INSRR: variants seen among roughly 807,000 people sequenced by gnomAD.
INSRR encodes insulin receptor-related protein.
Under a neutral mutation model 130.0 loss-of-function variants are expected in INSRR, and 114 were observed. The observed-to-expected ratio is 0.88, with a 90% CI of 0.75 to 1.02. INSRR has a LOEUF of 1.02. Ranked by LOEUF, INSRR falls within the 50% of genes least tolerant of loss-of-function variation. The pLI is 0.00. For synonymous variants in INSRR, 674 were observed against 705.2 expected, an observed-to-expected ratio of 0.96 and a Z score of 0.70; for missense variants, 1,657 against 1,735.2, an observed-to-expected ratio of 0.95 and a Z score of 0.80.
rs1654723983 is a variant in INSRR at position 156,840,331 on chromosome 1, G to C, written c.*542C>G. On this transcript the variant is annotated 3_prime_UTR_variant, in exon 22 of 22. Coordinates refer to ENST00000368195, the MANE Select transcript of INSRR (RefSeq NM_014215.3). Reference sequence around the variant, plus strand: ...GAGGAGGTGAGGGCGGGCAGGCTGGGAACCACTCCCCAGGCCCCTGGGTTC... The same window carrying C: ...GAGGAGGTGAGGGCGGGCAGGCTGGCAACCACTCCCCAGGCCCCTGGGTTC... 6.2e-6 allele frequency: 1 copy of C among 161,298 alleles called. No individual in the cohort carries two copies. The highest frequency in any genetic ancestry group is 1.8e-4 in the South Asian group (1 of 5,692). 10.0% of individuals were successfully genotyped at this position (161,298 alleles called of 1,614,324 possible).
intron 11 of INSRR, 25 bp from the exon 12 acceptor site, chr1:156,845,321 G>A (rs1558085985): frequency 6.2e-7 from 1 of 1,610,560 alleles, no homozygotes; most frequent in Non-Finnish European, 8.5e-7. Flanking sequence ...TCAGAGCCAA[G>A]GCCCAGCCCC....
At chr1:156,857,998 T>G (rs1293151582) in intron 1 of INSRR, among the ~76,000 whole-genome samples, 1 of 151,732 alleles carries the variant, frequency 6.6e-6, no homozygotes, top group Non-Finnish European at 1.5e-5. Flanking sequence ...GGAAGAGCAG[T>G]CTTCCCCCAA....
chr1:156,845,850 C>T (rs1654982587), intron 9 of INSRR, 36 bp from the exon 10 acceptor site: 2 of 1,584,592 alleles, frequency 1.3e-6, no homozygotes, highest in Non-Finnish European at 8.6e-7. Context: ...GTAAGACAGG[C>T]GGTCTACCCG....
intron 1 of INSRR, among the ~76,000 whole-genome samples, chr1:156,857,736 G>A (rs185512201): frequency 6.6e-6 from 1 of 152,318 alleles, no homozygotes; most frequent in African/African-American, 2.4e-5. Flanking sequence ...GGCATCATAG[G>A]ACCTCTCGGG....
chr1:156,856,571 G>T (rs1408193145), intron 1 of INSRR, among the ~76,000 whole-genome samples: 1 of 152,200 alleles, frequency 6.6e-6, no homozygotes, highest in Non-Finnish European at 1.5e-5. Flanking sequence ...CTGGCCTGGA[G>T]TTAATCACTT....
chr1:156,854,424 G>A lies in INSRR; in HGVS notation c.86-121C>T. ...GACAATGAGTGAGGAGCCGGGCTCT[G>A]CTCTGGGTGTGGGGTGGCCTCCTTC... On this transcript the variant is annotated intron_variant, in intron 1 of 21. Transcript: ENST00000368195. The surrounding 1 kb of genome is among the most constrained non-coding windows in gnomAD (Gnocchi z 4.2). The A allele has an allele frequency of 9.2e-7, 1 of 1,090,734 alleles. No individual in the cohort carries two copies. The highest frequency in any genetic ancestry group is 1.3e-6 in the Non-Finnish European group (1 of 776,050). The allele number at this position is 1,090,734 out of a possible 1,614,324, so 67.6% of individuals were successfully genotyped here. A position where few individuals can be genotyped will look rare whatever the true frequency, so the allele number is the denominator to read the frequency against.
chr1:156,843,773 C>T (rs1654887489), intron 15 of INSRR, among the ~76,000 whole-genome samples: 1 of 152,196 alleles, frequency 6.6e-6, no homozygotes, highest in Admixed American at 6.5e-5. Flanking sequence ...TGCAGTCAGC[C>T]CTGGAAGGAT....
Position 156,853,826 on chromosome 1 carries a change from C to G in INSRR, c.563G>C (p.Gly188Ala). The change falls in exon 2 of 22, where the codon GGT (glycine) becomes GCT (alanine). Residue 188 changes from glycine (G) to alanine (A), a missense_variant. Coordinates refer to ENST00000368195, the MANE Select transcript of INSRR (RefSeq NM_014215.3). ...DVCPGVLGAA[G>A]EPCAKTTFSG... ...GAAGGTGGTCTTGGCACAGGGCTCA[C>G]CAGCAGCACCCAGCACACCAGGGCA... 2 of 1,613,720 alleles carry G rather than the reference C, an allele frequency of 1.2e-6. No individual in the cohort carries two copies. Among genetic ancestry groups the G allele is most frequent in the African/African-American group, 1.3e-5 (1 of 75,050 alleles).
chr1:156,845,620 T>A lies in INSRR; in HGVS notation c.2173A>T (p.Ile725Leu). 1 of 1,403,944 alleles carries A rather than the reference T, an allele frequency of 7.1e-7. No individual in the cohort carries two copies. Among genetic ancestry groups the A allele is most frequent in the Non-Finnish European group, 9.5e-7 (1 of 1,050,406 alleles). 87.0% of individuals were successfully genotyped at this position (1,403,944 alleles called of 1,614,324 possible). ...NFLHNAITIP[I>L]SPWKVTSINK... ...CCAGGCCGCGCGCGCTCTTCGCACA[T>A]GGGGATGGTGATCGCGTTGTGTAGA... The change falls in exon 10 of 22, where the codon ATA (isoleucine) becomes TTA (leucine). Residue 725 changes from isoleucine to leucine, a missense_variant and splice_region_variant. By Grantham distance (5) the Ile-to-Leu change is conservative. Coordinates refer to ENST00000368195, the MANE Select transcript of INSRR (RefSeq NM_014215.3).
intron 3 of INSRR, 46 bp from the exon 4 acceptor site, chr1:156,851,834 C>G: frequency 7.0e-6 from 11 of 1,577,426 alleles, no homozygotes; most frequent in Non-Finnish European, 9.5e-6. Flanking sequence ...CAGTTTGGGC[C>G]TCCTCAGGCC....
At position 156,841,096 on chromosome 1, in the gene INSRR, A is replaced by G. The variant is rs544015279; in HGVS notation, c.3671T>C (p.Leu1224Pro). The G allele has an allele frequency of 1.9e-5, 30 of 1,560,224 alleles. No homozygotes were observed. In the South Asian group the frequency reaches 3.3e-4, roughly 17 times the overall value. The change falls in exon 22 of 22, where the codon CTG (leucine) becomes CCG (proline). Residue 1224 changes from leucine to proline, a missense_variant. Physicochemically the swap from Leu to Pro is moderately conservative, Grantham distance 98. Coordinates refer to ENST00000368195, the MANE Select transcript of INSRR (RefSeq NM_014215.3). ...LEGCPLQLQE[L>P]MSRCWQPNPR... is the part of the protein sequence containing the mutation. ...GTTCGGCTGCCAGCAGCGGCTCATCAGCTCCTGCCTGGTGGGTGTGGGGAG... is the reference window on the plus strand; with the variant it reads ...GTTCGGCTGCCAGCAGCGGCTCATCGGCTCCTGCCTGGTGGGTGTGGGGAG...
intron 17 of INSRR, among the ~76,000 whole-genome samples, chr1:156,842,776 T>G (rs1654846522): frequency 6.6e-6 from 1 of 152,174 alleles, no homozygotes; most frequent in African/African-American, 2.4e-5. Flanking sequence ...CACCCAATAT[T>G]GAGCCCCAAT....
chr1:156,846,757 G>A lies in INSRR; in HGVS notation c.1572C>T (p.Ser524=). The A allele has an allele frequency of 6.2e-7, 1 of 1,611,772 alleles. No individual in the cohort carries two copies. The highest frequency in any genetic ancestry group is 8.5e-7 in the Non-Finnish European group (1 of 1,178,078). ...LLSFIVYYKE[S]PFQNATEHVG... ...CGTGCTCTGTGGCGTTCTGGAATGG[G>A]CTGAACACCCATCCCCAGAGCTGAG... Residue 524 remains serine (S), a splice_region_variant and synonymous_variant, in exon 8 of 22, where the codon TCC becomes TCT. Coordinates refer to ENST00000368195, the MANE Select transcript of INSRR (RefSeq NM_014215.3).
chr1:156,844,587 G>A lies in INSRR; in HGVS notation c.2612C>T (p.Ala871Val), dbSNP rs773054027. ...GGCCAGGTGGACTCCCCCAAACTTC[G>A]CATATCGAAGACGGGACACACACAG... ...TVLCVSRLRY[A>V]KFGGVHLALL... Residue 871 changes from alanine to valine, a missense_variant, in exon 14 of 22, where the codon GCG becomes GTG. Transcript: ENST00000368195. 2.5e-6 allele frequency: 4 copies of A among 1,614,026 alleles called. No individual in the cohort carries two copies. The highest frequency in any genetic ancestry group is 1.7e-5 in the Admixed American group (1 of 60,002).
In INSRR at chr1:156,848,902, C is replaced by G; in HGVS notation, c.1571+19G>C. 2 of 1,552,600 alleles carry G rather than the reference C, an allele frequency of 1.3e-6. No individual in the cohort carries two copies. Among genetic ancestry groups the G allele is most frequent in the South Asian group, 2.4e-5 (2 of 84,158 alleles). On this transcript the variant is annotated intron_variant, in intron 7 of 21. Coordinates refer to ENST00000368195, the MANE Select transcript of INSRR (RefSeq NM_014215.3). ...TCGTCCGGTCCCGCCCCCGCTCCGG[C>G]CCCGCCCCCGGCACTCACGACTCCT...
chr1:156,857,991 A>G (rs972662284), intron 1 of INSRR, among the ~76,000 whole-genome samples: 6 of 152,134 alleles, frequency 3.9e-5, no homozygotes, highest in Non-Finnish European at 7.4e-5. Flanking sequence ...GTGTTGAGGA[A>G]GAGCAGTCTT....
intron 6 of INSRR, 58 bp downstream of exon 6, chr1:156,849,188 G>A (rs952282482): frequency 1.2e-5 from 19 of 1,603,358 alleles, no homozygotes; most frequent in Admixed American, 1.7e-5. Context: ...TCCCTCCCCC[G>A]GGTGTGCGTG....
intron 14 of INSRR, 42 bp from the exon 15 acceptor site, chr1:156,844,322 G>C: frequency 1.9e-6 from 3 of 1,574,862 alleles, no homozygotes; most frequent in Non-Finnish European, 1.7e-6. Context: ...CAAAGATGTA[G>C]AAGTCAGAGG....
chr1:156,843,328 C>T (rs1654871223), intron 16 of INSRR, 95 bp from the exon 17 acceptor site: 1 of 1,568,020 alleles, frequency 6.4e-7, no homozygotes, highest in Non-Finnish European at 8.8e-7. Flanking sequence ...GGCTCTTGTC[C>T]CAAGGCTATC....
Sources: allele counts gnomAD v4.1 joint callset (sites outside exome capture counted in the v4.1 genomes callset), GRCh38; gene constraint gnomAD v4.1.1; non-coding constraint Gnocchi (gnomAD v3.1); transcripts MANE v1.5; gene names NCBI Gene and HGNC (gene_info 2026-07-23, HGNC 2026-07-21).